SLC24A3: variants seen among roughly 807,000 people sequenced by gnomAD.
SLC24A3 encodes solute carrier family 24 member 3.
Under a neutral mutation model 75.8 loss-of-function variants are expected in SLC24A3, and 28 were observed. That is an observed-to-expected ratio of 0.37 (90% CI 0.27 to 0.51). The LOEUF is 0.51. SLC24A3 is among the 20% of genes least tolerant of loss of function. The pLI is 0.94. For synonymous variants in SLC24A3, 372 were observed against 334.1 expected (o/e 1.11, Z -1.24); for missense variants, 663 against 847.8 (o/e 0.78, Z 2.71).
At chr20:19,471,737 G>C (rs1987875900) in intron 2 of SLC24A3, among the ~76,000 whole-genome samples, 1 of 152,148 alleles carries the variant, frequency 6.6e-6, no homozygotes, top group African/African-American at 2.4e-5. Context: ...AGGTGGCAAA[G>C]TTTCCTTCCC....
At chr20:19,602,452 C>T (rs112339134) in intron 6 of SLC24A3, among the ~76,000 whole-genome samples, 90 of 152,168 alleles carry the variant, frequency 5.9e-4, no homozygotes, top group African/African-American at 2.1e-3. Context: ...TCAGAAAAAA[C>T]CCTCTACCTT....
At chr20:19,626,455 G>A (rs999251066) in intron 6 of SLC24A3, among the ~76,000 whole-genome samples, 5 of 152,206 alleles carry the variant, frequency 3.3e-5, no homozygotes, top group Non-Finnish European at 7.3e-5. Context: ...TATTGAAGGT[G>A]ACAGAAAAGG....
intron 2 of SLC24A3, among the ~76,000 whole-genome samples, chr20:19,300,464 C>T (rs1468404760): frequency 2.0e-5 from 3 of 152,204 alleles, no homozygotes; most frequent in Non-Finnish European, 2.9e-5. Context: ...TTAAGAATTT[C>T]TGAGTGAGAA....
At chr20:19,511,667 C>CT (rs1003463573) in intron 2 of SLC24A3, among the ~76,000 whole-genome samples, 4 of 152,166 alleles carry the variant, frequency 2.6e-5, no homozygotes, top group Non-Finnish European at 5.9e-5. Context: ...CTCCCTGTGA[C>CT]TTTTTTTTCA....
intron 6 of SLC24A3, among the ~76,000 whole-genome samples, chr20:19,603,846 G>A (rs962335762): frequency 2.6e-5 from 4 of 152,128 alleles, no homozygotes; most frequent in East Asian, 3.9e-4. Context: ...GGTGCACACC[G>A]AGCTGGTGCG....
chr20:19,684,519 C>T (rs2032651117), intron 11 of SLC24A3, among the ~76,000 whole-genome samples, 183 bp downstream of exon 11: 1 of 152,190 alleles, frequency 6.6e-6, no homozygotes, highest in Non-Finnish European at 1.5e-5. Flanking sequence ...CTCTTCCCTC[C>T]ACGTGTTGAG....
chr20:19,418,856 G>A (rs1220369357), intron 2 of SLC24A3, among the ~76,000 whole-genome samples: 1 of 152,146 alleles, frequency 6.6e-6, no homozygotes, highest in Non-Finnish European at 1.5e-5. Context: ...GTGGGACTCA[G>A]GAGCCAATTT....
At chr20:19,642,830 C>T (rs868703242) in intron 6 of SLC24A3, among the ~76,000 whole-genome samples, 14 of 152,334 alleles carry the variant, frequency 9.2e-5, no homozygotes, top group Middle Eastern at 6.8e-3. Flanking sequence ...TCACCCAATT[C>T]TCTCAGCTCT....
At chr20:19,263,559 A>G (rs1358590918) in intron 1 of SLC24A3, among the ~76,000 whole-genome samples, 1 of 152,220 alleles carries the variant, frequency 6.6e-6, no homozygotes, top group Non-Finnish European at 1.5e-5. Flanking sequence ...CCCGTTTCTC[A>G]GGCGCAGGTG....
At chr20:19,362,014 T>C (rs1201528551) in intron 2 of SLC24A3, among the ~76,000 whole-genome samples, 1 of 152,194 alleles carries the variant, frequency 6.6e-6, no homozygotes, top group Non-Finnish European at 1.5e-5. Flanking sequence ...GGCTGGGTTA[T>C]TTTTAGAAAT....
chr20:19,381,401 T>G (rs1441788950), intron 2 of SLC24A3, among the ~76,000 whole-genome samples: 1 of 152,268 alleles, frequency 6.6e-6, no homozygotes, highest in African/African-American at 2.4e-5. Flanking sequence ...TGGAGAATGA[T>G]GGATAAGATG....
intron 3 of SLC24A3, among the ~76,000 whole-genome samples, chr20:19,561,696 G>A (rs2030877349): frequency 6.6e-6 from 1 of 152,156 alleles, no homozygotes; most frequent in Non-Finnish European, 1.5e-5. Flanking sequence ...CTGAATGCTT[G>A]AAACATTCCA....
At chr20:19,451,616 C>T (rs1987482486) in intron 2 of SLC24A3, among the ~76,000 whole-genome samples, 1 of 152,238 alleles carries the variant, frequency 6.6e-6, no homozygotes, top group Non-Finnish European at 1.5e-5. Context: ...AGCTCCCTGT[C>T]ATGAAGATGT....
rs1224258416 is a variant in SLC24A3, at chr20:19,280,987, A to G, written c.171A>G (p.Glu57=). 6.2e-7 allele frequency: 1 copy of G among 1,614,012 alleles called. No individual in the cohort carries two copies. The highest frequency in any genetic ancestry group is 8.5e-7 in the Non-Finnish European group (1 of 1,179,934). ...TTGACCTCATGGACCTCGTAGGGGAAGACAGAAAGTGGATGATGGCGAGGA... is the reference window on the plus strand; with the variant it reads ...TTGACCTCATGGACCTCGTAGGGGAGGACAGAAAGTGGATGATGGCGAGGA... The part of the protein sequence containing the change: ...KELDLMDLVG[E]DRKWMMARKL... The change falls in exon 2 of 17, where the codon GAA becomes GAG. Residue 57 remains glutamate, a synonymous_variant. Coordinates refer to ENST00000328041, the MANE Select transcript of SLC24A3 (RefSeq NM_020689.4).
chr20:19,376,759 G>C (rs903261548), intron 2 of SLC24A3, among the ~76,000 whole-genome samples: 16 of 152,224 alleles, frequency 1.1e-4, no homozygotes, highest in African/African-American at 3.9e-4. Flanking sequence ...AGCGTTCACG[G>C]CTGAGTTGGC....
chr20:19,325,674 A>G (rs894073177), intron 2 of SLC24A3, among the ~76,000 whole-genome samples: 2 of 148,718 alleles, frequency 1.3e-5, no homozygotes, highest in Admixed American at 6.7e-5. Flanking sequence ...GGATTTGGAG[A>G]TTTTTTTGTT....
chr20:19,679,239 G>T (rs1490268079), intron 9 of SLC24A3, among the ~76,000 whole-genome samples: 1 of 152,114 alleles, frequency 6.6e-6, no homozygotes, highest in African/African-American at 2.4e-5. Flanking sequence ...ACCAGACACC[G>T]TCTGCAATCC....
intron 3 of SLC24A3, among the ~76,000 whole-genome samples, chr20:19,554,787 T>C (rs2030756737): frequency 6.6e-6 from 1 of 152,186 alleles, no homozygotes; most frequent in South Asian, 2.1e-4. Context: ...GCTTTCTAAA[T>C]GCATTGGATT....
intron 12 of SLC24A3, among the ~76,000 whole-genome samples, chr20:19,691,641 C>T (rs1175792344): frequency 6.6e-6 from 1 of 152,098 alleles, no homozygotes; most frequent in Non-Finnish European, 1.5e-5. Context: ...CTGGCCCCAG[C>T]GGAGGCTGTG....
Sources: allele counts gnomAD v4.1 joint callset (sites outside exome capture counted in the v4.1 genomes callset), GRCh38; gene constraint gnomAD v4.1.1; transcripts MANE v1.5; gene names NCBI Gene and HGNC (gene_info 2026-07-23, HGNC 2026-07-21).